Variants in MYH9 observed in about 807,000 individuals in gnomAD.
The protein encoded by MYH9 is myosin heavy chain 9.
In MYH9, 29 loss-of-function variants were observed where a neutral mutation model predicts 241.9. The observed-to-expected ratio is 0.12, with a 90% CI of 0.09 to 0.16. MYH9 has a LOEUF of 0.16. Among genes scored for constraint, MYH9 ranks in the 10% least tolerant of loss-of-function variants. MYH9 has a pLI of 1.00. For synonymous variants in MYH9, 1,047 were observed against 1,062.6 expected (o/e 0.99, Z 0.29); for missense variants, 1,803 against 2,595.5 (o/e 0.69, Z 6.63).
chr22:36,282,923 GA>G, intron 40 of MYH9, 138 bp from the exon 41 acceptor site: 1 of 745,076 alleles, frequency 1.3e-6, no homozygotes, highest in East Asian at 2.7e-5. Flanking sequence ...AAGCAAAGTG[GA>G]GTCTTGGGAG....
In MYH9 at chr22:36,387,472, T is replaced by G. The variant is rs917064125; in HGVS notation, c.-20+335A>C. 4.6e-5 allele frequency among the ~76,000 whole-genome samples: 7 copies of G among 151,704 alleles called. 1 individual carries two copies. Among genetic ancestry groups the G allele is most frequent in the Non-Finnish European group, 1.5e-5 (1 of 67,884 alleles). On this transcript the variant is annotated intron_variant, in intron 1 of 40. Coordinates refer to ENST00000216181, the MANE Select transcript of MYH9 (RefSeq NM_002473.6). ...CTGGGCGAGGCGAGGGCGGGGCGCG[T>G]GCCCCAGCGGCTGGGGGAGGTCGGC...
intron 1 of MYH9, among the ~76,000 whole-genome samples, chr22:36,383,359 G>A (rs1418164059): frequency 1.3e-5 from 2 of 152,148 alleles, no homozygotes; most frequent in East Asian, 3.8e-4. Context: ...AGGAAACCAT[G>A]TGTTTGAACT....
In MYH9 at chr22:36,285,720, G is replaced by T; in HGVS notation, c.5212C>A (p.Leu1738Met). Residue 1738 changes from leucine (L) to methionine (M), a missense_variant, in exon 37 of 41, where the codon CTG (leucine) becomes ATG (methionine). Transcript: ENST00000216181. This position sits in a 1 kb window ranked among gnomAD's most constrained non-coding sequence, Gnocchi z 7.0. Reference sequence around the variant, plus strand: ...TCCGTGTTGCCCTGCTCCTCCTCCAGCTCCTCCTCCAGCTGGGCGATGCGG... The same window carrying T: ...TCCGTGTTGCCCTGCTCCTCCTCCATCTCCTCCTCCAGCTGGGCGATGCGG... ...EARIAQLEEE[L>M]EEEQGNTELI... is the part of the protein sequence containing the mutation. 1 of 1,613,126 alleles carries T rather than the reference G, an allele frequency of 6.2e-7. No individual in the cohort carries two copies.
rs1292493139 is a variant in MYH9 at position 36,305,145 on chromosome 22, C to T, written c.2160-43G>A. ...AGCCTGGTCATTTTACCCATTGCCT[C>T]GATTCCACATGCCTGGAATATAGGC... On this transcript the variant is annotated intron_variant, in intron 17 of 40. Transcript: ENST00000216181. The surrounding 1 kb of genome is among the most constrained non-coding windows in gnomAD (Gnocchi z 4.7). 3 of 1,495,912 alleles carry T rather than the reference C, an allele frequency of 2.0e-6. No homozygotes were observed. The highest frequency in any genetic ancestry group is 1.1e-5 in the South Asian group (1 of 88,550). The allele number at this position is 1,495,912 out of a possible 1,614,324, so 92.7% of individuals were successfully genotyped here.
intron 2 of MYH9, among the ~76,000 whole-genome samples, chr22:36,344,891 T>A (rs757572032): frequency 1.1e-4 from 16 of 152,254 alleles, no homozygotes; most frequent in South Asian, 6.2e-4. Flanking sequence ...GAGACTCAAG[T>A]TAAAAAGGCA....
intron 20 of MYH9, among the ~76,000 whole-genome samples, chr22:36,302,034 T>C (rs1164520203): frequency 2.0e-5 from 3 of 152,166 alleles, no homozygotes; most frequent in Non-Finnish European, 4.4e-5. Context: ...AAATGGAACG[T>C]ACGAACTACA....
chr22:36,294,359 A>T (rs1415362943), intron 27 of MYH9, 61 bp from the exon 28 acceptor site: 5 of 1,552,568 alleles, frequency 3.2e-6, no homozygotes, highest in Non-Finnish European at 4.4e-6. Context: ...TGGCTGGTCT[A>T]TCATCACTGG....
intron 30 of MYH9, among the ~76,000 whole-genome samples, chr22:36,292,609 A>T (rs913228417): frequency 3.3e-5 from 5 of 152,130 alleles, no homozygotes; most frequent in Non-Finnish European, 7.4e-5. Flanking sequence ...CTTGGAGATA[A>T]ACCCACAATC....
chr22:36,283,827 A>C (rs1306484152), intron 40 of MYH9, among the ~76,000 whole-genome samples: 1 of 152,260 alleles, frequency 6.6e-6, no homozygotes, highest in Non-Finnish European at 1.5e-5. Flanking sequence ...AACATGTGCC[A>C]GGACTGGGCC....
At chr22:36,348,039 T>G (rs1478155436) in intron 2 of MYH9, among the ~76,000 whole-genome samples, 1 of 147,874 alleles carries the variant, frequency 6.8e-6, no homozygotes, top group Non-Finnish European at 1.5e-5. Context: ...TTTCATTATT[T>G]TAATAATATA....
intron 5 of MYH9, among the ~76,000 whole-genome samples, chr22:36,323,078 G>C (rs1465432343): frequency 6.6e-6 from 1 of 152,204 alleles, no homozygotes; most frequent in African/African-American, 2.4e-5. Context: ...CAGTGAGCAC[G>C]GGATCCATGA....
intron 5 of MYH9, among the ~76,000 whole-genome samples, chr22:36,323,926 G>A (rs1009680457): frequency 2.0e-5 from 3 of 152,326 alleles, no homozygotes; most frequent in East Asian, 1.9e-4. Flanking sequence ...ACTGGACACC[G>A]GGCTTCCACC....
chr22:36,290,311 G>A (rs1374835250), intron 31 of MYH9, among the ~76,000 whole-genome samples: 1 of 130,688 alleles, frequency 7.7e-6, no homozygotes, highest in African/African-American at 3.1e-5. Context: ...CGGCACCCCA[G>A]CCTGGGCAAC....
At chr22:36,336,787 G>A (rs987787195) in intron 3 of MYH9, among the ~76,000 whole-genome samples, 3 of 152,236 alleles carry the variant, frequency 2.0e-5, no homozygotes, top group Non-Finnish European at 4.4e-5. Context: ...TGGCTCAGTC[G>A]TGCTGGCGCA....
rs1429828581 is a variant in MYH9, at chr22:36,319,639, T to C, written c.1013-4A>G. 5.6e-6 allele frequency: 9 copies of C among 1,613,882 alleles called. No individual in the cohort carries two copies. The highest frequency in any genetic ancestry group is 1.3e-5 in the African/African-American group (1 of 74,866). On this transcript the variant is annotated splice_region_variant and splice_polypyrimidine_tract_variant and intron_variant, in intron 9 of 40. Transcript: ENST00000216181. The stretch of plus-strand genomic sequence containing the variant: ...CCTGAGATGACCCGCAGCAGGCCTT[T>C]GGGTGCAATCAGAGGCAGCTCAGAA...
chr22:36,295,156 A>G lies in MYH9; in HGVS notation c.3486-80T>C. The G allele has an allele frequency of 1.9e-6, 3 of 1,600,504 alleles. No homozygotes were observed. The highest frequency in any genetic ancestry group is 3.3e-4 in the Middle Eastern group (2 of 6,046). ...CCCTGGGGCTCTTCCCTGACCAAAG[A>G]GAGGCCTGGCCAGGGCACAGGCACT... On this transcript the variant is annotated intron_variant, in intron 26 of 40. Transcript: ENST00000216181. The surrounding 1 kb of genome is among the most constrained non-coding windows in gnomAD (Gnocchi z 4.1).
At chr22:36,374,080 T>C (rs1353054980) in intron 1 of MYH9, among the ~76,000 whole-genome samples, 4 of 151,662 alleles carry the variant, frequency 2.6e-5, no homozygotes, top group Non-Finnish European at 5.9e-5. Context: ...TTTTTTTTTT[T>C]ACTTTAAAAA....
rs188571981 is a variant in MYH9 at position 36,320,693 on chromosome 22, C to G, written c.868+105G>C. The G allele has an allele frequency of 1.4e-5, 14 of 1,017,408 alleles. No homozygotes were observed. In the African/African-American group the frequency reaches 2.2e-4, roughly 16 times the overall value. The allele number at this position is 1,017,408 out of a possible 1,614,324, so 63.0% of individuals were successfully genotyped here. A position where few individuals can be genotyped will look rare whatever the true frequency, so the allele number is the denominator to read the frequency against. ...TCACTCTCACTTCTCCCCGTTAAACCCAAGGCCAAAAGTTTTCATTTCCCA... is the reference window on the plus strand; with the variant it reads ...TCACTCTCACTTCTCCCCGTTAAACGCAAGGCCAAAAGTTTTCATTTCCCA... On this transcript the variant is annotated intron_variant, in intron 8 of 40. Transcript: ENST00000216181. This position sits in a 1 kb window ranked among gnomAD's most constrained non-coding sequence, Gnocchi z 4.8.
chr22:36,285,729 C>A lies in MYH9; in HGVS notation c.5203G>T (p.Glu1735Ter). 1 of 1,613,150 alleles carries A rather than the reference C, an allele frequency of 6.2e-7. No homozygotes were observed. Residue 1735 changes from glutamate to a stop codon, truncating the protein, a stop_gained, in exon 37 of 41, where the codon GAG becomes TAG. Transcript: ENST00000216181. LOFTEE classifies it high-confidence loss of function. This position sits in a 1 kb window ranked among gnomAD's most constrained non-coding sequence, Gnocchi z 7.0. ...CCCTGCTCCTCCTCCAGCTCCTCCT[C>A]CAGCTGGGCGATGCGGGCCTCCAGA... Reference protein sequence around the residue: ...RRLEARIAQLEEELEEEQGNT... With the variant: ...RRLEARIAQL
Sources: allele counts gnomAD v4.1 joint callset (sites outside exome capture counted in the v4.1 genomes callset), GRCh38; gene constraint gnomAD v4.1.1; non-coding constraint Gnocchi (gnomAD v3.1); transcripts MANE v1.5; gene names NCBI Gene and HGNC (gene_info 2026-07-23, HGNC 2026-07-21).